DYNC2H1: variants seen among roughly 807,000 people sequenced by gnomAD.
DYNC2H1 encodes the protein cytoplasmic dynein 2 heavy chain 1.
A neutral mutation model predicts 570.0 loss-of-function variants in DYNC2H1; 410 were observed. The observed-to-expected ratio is 0.72, with a 90% confidence interval of 0.66 to 0.78. The LOEUF (loss-of-function observed/expected upper bound fraction) is 0.78, where lower values mean the gene tolerates loss of function less well. Ranked by LOEUF, DYNC2H1 falls within the 30% of genes least tolerant of loss-of-function variation. The pLI is 0.00. For synonymous variants in DYNC2H1, 1,688 were observed against 1,677.6 expected, an observed-to-expected ratio of 1.01 and a Z score of -0.15; for missense variants, 4,865 against 5,046.4, an observed-to-expected ratio of 0.96 and a Z score of 1.09.
chr11:103,285,130 A>G (rs984540902), intron 73 of DYNC2H1, among the ~76,000 whole-genome samples: 2 of 152,246 alleles, frequency 1.3e-5, no homozygotes, highest in Admixed American at 1.3e-4. Context: ...TTAGAAAAAC[A>G]GAGCTTGACA....
In DYNC2H1 at chr11:103,109,779, C is replaced by G. The variant is rs747518833; in HGVS notation, c.195+10C>G. 1 of 1,607,986 alleles carries G rather than the reference C, an allele frequency of 6.2e-7. No individual in the cohort carries two copies. ...CTCCTTTTCCAACACGGTACGGTTCCTTGCACTCCTGCCTGACCCCTGACC... is the reference window on the plus strand; with the variant it reads ...CTCCTTTTCCAACACGGTACGGTTCGTTGCACTCCTGCCTGACCCCTGACC... On this transcript the variant is annotated intron_variant, in intron 1 of 88. Coordinates refer to ENST00000375735, the MANE Select transcript of DYNC2H1 (RefSeq NM_001377.3).
rs747356085 is a variant in DYNC2H1 at position 103,129,042 on chromosome 11, A to G, written c.1953+37A>G. On this transcript the variant is annotated intron_variant, in intron 13 of 88. Coordinates refer to ENST00000375735, the MANE Select transcript of DYNC2H1 (RefSeq NM_001377.3). The surrounding 1 kb of genome is among the most constrained non-coding windows in gnomAD (Gnocchi z 4.1). ...TTTAATTTTATTATAATTAGATTTT[A>G]CATGTGAAGTGTTTAATTCTTAATT... is the stretch of plus-strand genomic sequence containing the variant. 2.7e-6 allele frequency: 4 copies of G among 1,508,472 alleles called. No individual in the cohort carries two copies. The South Asian group carries it at 3.7e-5, about 14-fold the overall frequency. The allele number at this position is 1,508,472 out of a possible 1,614,324, so 93.4% of individuals were successfully genotyped here. A position where few individuals can be genotyped will look rare whatever the true frequency, so the allele number is the denominator to read the frequency against.
intron 63 of DYNC2H1, among the ~76,000 whole-genome samples, chr11:103,242,048 TC>T (rs1409805403): frequency 6.6e-6 from 1 of 151,880 alleles, no homozygotes; most frequent in Non-Finnish European, 1.5e-5. Flanking sequence ...TATACAGTGT[TC>T]CCCCCTTTTC....
At chr11:103,459,036 G>A (rs1309951589) in intron 87 of DYNC2H1, among the ~76,000 whole-genome samples, 1 of 151,816 alleles carries the variant, frequency 6.6e-6, no homozygotes, top group Admixed American at 6.6e-5. Context: ...CAGGCCGGGC[G>A]CGGTGGCTCA....
chr11:103,324,686 T>A lies in DYNC2H1; in HGVS notation c.12039+696T>A, dbSNP rs1430398219. ...TGCAGTGAACATTCATGTGCATATG[T>A]CTTTATGGTAGAACCATTTATATTC... is the stretch of plus-strand genomic sequence containing the variant. On this transcript the variant is annotated intron_variant, in intron 82 of 88. Transcript: ENST00000375735. This position sits in a 1 kb window ranked among gnomAD's most constrained non-coding sequence, Gnocchi z 5.2. Among the ~76,000 whole-genome samples, 4 of 152,190 alleles carry A rather than the reference T, an allele frequency of 2.6e-5. No individual in the cohort carries two copies. The East Asian group carries it at 7.7e-4, about 29-fold the overall frequency.
intron 20 of DYNC2H1, among the ~76,000 whole-genome samples, chr11:103,149,520 G>A (rs151109189): frequency 2.0e-5 from 3 of 152,146 alleles, no homozygotes; most frequent in South Asian, 2.1e-4. Flanking sequence ...ACATACCACT[G>A]CAGTGGAAAG....
rs1383248711 is a variant in DYNC2H1, at chr11:103,148,455, A to C, written c.2819-35A>C. Reference sequence around the variant, plus strand: ...TAACTTAGTATTTTTGATGGTAATAATTAACATTTCTTGTATTTCAATGTT... The same window carrying C: ...TAACTTAGTATTTTTGATGGTAATACTTAACATTTCTTGTATTTCAATGTT... On this transcript the variant is annotated intron_variant, in intron 19 of 88. Coordinates refer to ENST00000375735, the MANE Select transcript of DYNC2H1 (RefSeq NM_001377.3). 5 of 1,538,236 alleles carry C rather than the reference A, an allele frequency of 3.3e-6. No homozygotes were observed. In the Admixed American group the frequency reaches 1.0e-4, roughly 31 times the overall value.
At chr11:103,286,496 G>A (rs1487733609) in intron 74 of DYNC2H1, 110 bp downstream of exon 74, 6 of 1,277,438 alleles carry the variant, frequency 4.7e-6, no homozygotes, top group Non-Finnish European at 5.4e-6. Flanking sequence ...ACCTTTAATG[G>A]CGTATTTGGG....
intron 81 of DYNC2H1, among the ~76,000 whole-genome samples, chr11:103,322,888 G>GTTA (rs1938286685): frequency 6.6e-6 from 1 of 152,108 alleles, no homozygotes; most frequent in Admixed American, 6.5e-5. Flanking sequence ...ACATTTATAC[G>GTTA]TATATATTGT....
intron 83 of DYNC2H1, among the ~76,000 whole-genome samples, chr11:103,394,484 A>G (rs538115783): frequency 4.6e-5 from 7 of 152,220 alleles, no homozygotes; most frequent in African/African-American, 1.2e-4. Context: ...ACCCCATTTT[A>G]TATAAGAAAT....
At position 103,133,526 on chromosome 11, in the gene DYNC2H1, C is replaced by T. The variant is rs774060201; in HGVS notation, c.1954-29C>T. 2 of 1,568,240 alleles carry T rather than the reference C, an allele frequency of 1.3e-6. No individual in the cohort carries two copies. Among genetic ancestry groups the T allele is most frequent in the South Asian group, 1.2e-5 (1 of 81,318 alleles). On this transcript the variant is annotated intron_variant, in intron 13 of 88. Coordinates refer to ENST00000375735, the MANE Select transcript of DYNC2H1 (RefSeq NM_001377.3). The surrounding 1 kb of genome is among the most constrained non-coding windows in gnomAD (Gnocchi z 4.8). ...CTTTTGGAAAAAAGAAATACTTATA[C>T]ATACTAAAGGTTATTTATTGTACCA...
chr11:103,350,936 C>T (rs780624717), intron 82 of DYNC2H1, among the ~76,000 whole-genome samples: 2 of 151,986 alleles, frequency 1.3e-5, no homozygotes, highest in African/African-American at 2.4e-5. Flanking sequence ...GGATTTTAGT[C>T]CATAAATTAA....
rs560150816 is a variant in DYNC2H1, at chr11:103,228,353, A to G, written c.9354-2907A>G. On this transcript the variant is annotated intron_variant, in intron 59 of 88. Transcript: ENST00000375735. This position sits in a 1 kb window ranked among gnomAD's most constrained non-coding sequence, Gnocchi z 6.1. ...AAGATCTGGGATTCAAGTGCAGCTG[A>G]TCAGATTCTTTTGTCTCATGGGGCG... 6.6e-6 allele frequency among the ~76,000 whole-genome samples: 1 copy of G among 152,204 alleles called. No individual in the cohort carries two copies. The highest frequency in any genetic ancestry group is 2.1e-4 in the South Asian group (1 of 4,820).
chr11:103,337,557 T>A lies in DYNC2H1; in HGVS notation c.12039+13567T>A, dbSNP rs561561917. On this transcript the variant is annotated intron_variant, in intron 82 of 88. Transcript: ENST00000375735. ...TCCGTAGCATCCATTATTTTTTGTC[T>A]TTTTGATAAAAGCTATTTTAACTGG... is the stretch of plus-strand genomic sequence containing the variant. 2.6e-5 allele frequency among the ~76,000 whole-genome samples: 4 copies of A among 152,330 alleles called. No homozygotes were observed. The South Asian group carries it at 8.3e-4, about 32-fold the overall frequency.
intron 65 of DYNC2H1, among the ~76,000 whole-genome samples, chr11:103,246,586 AAG>A (rs1864626617): frequency 6.6e-6 from 1 of 152,050 alleles, no homozygotes; most frequent in African/African-American, 2.4e-5. Context: ...GAATTAGGAA[AAG>A]AGAGTTAACC....
Position 103,283,035 on chromosome 11 carries a change from C to A in DYNC2H1, c.10840C>A (p.Leu3614Ile). ...ADSQQKIRDQ[L>I]PSWIDQERSW... Reference sequence around the variant, plus strand: ...CTCTCAACAAAAAATACGTGATCAGCTTCCGTCTTGGATAGATCAGGAACG... The same window carrying A: ...CTCTCAACAAAAAATACGTGATCAGATTCCGTCTTGGATAGATCAGGAACG... The change falls in exon 73 of 89, where the codon CTT becomes ATT. Residue 3614 changes from leucine to isoleucine, a missense_variant. This residue lies in a region of DYNC2H1 where 2,401 missense variants were observed against 2,454.6 expected (regional missense o/e 0.98). Transcript: ENST00000375735. The A allele has an allele frequency of 6.2e-7, 1 of 1,604,906 alleles. No homozygotes were observed. Among genetic ancestry groups the A allele is most frequent in the Non-Finnish European group, 8.5e-7 (1 of 1,175,664 alleles).
intron 82 of DYNC2H1, among the ~76,000 whole-genome samples, chr11:103,337,106 A>AT (rs1939177527): frequency 6.6e-6 from 1 of 152,190 alleles, no homozygotes; most frequent in Non-Finnish European, 1.5e-5. Flanking sequence ...GCCACAAACA[A>AT]TAGCGTGAGG....
intron 45 of DYNC2H1, among the ~76,000 whole-genome samples, chr11:103,191,012 A>G (rs1232817090): frequency 1.5e-5 from 2 of 132,630 alleles, no homozygotes; most frequent in Non-Finnish European, 3.2e-5. Context: ...TTCTTAGAAT[A>G]TATGTATATA....
chr11:103,238,786 A>G (rs1345199582), intron 63 of DYNC2H1, among the ~76,000 whole-genome samples: 3 of 152,222 alleles, frequency 2.0e-5, no homozygotes, highest in African/African-American at 7.2e-5. Context: ...TCAAATCCTT[A>G]CATACCCTTG....
Sources: gnomAD v4.1 joint callset for allele counts (sites outside exome capture counted in the v4.1 genomes callset) on GRCh38, gnomAD v4.1.1 for gene constraint, gnomAD v4.1.1 regional missense constraint, Gnocchi (gnomAD v3.1) non-coding constraint, MANE v1.5 for transcripts, NCBI Gene and HGNC (gene_info 2026-07-23, HGNC 2026-07-21) for gene names.